ZFAT: variants seen among roughly 807,000 people sequenced by gnomAD.
ZFAT encodes zinc finger and AT-hook domain containing, also known as zinc finger protein ZFAT.
Under a neutral mutation model 117.7 loss-of-function variants are expected in ZFAT, and 64 were observed. The observed-to-expected ratio is 0.54, with a 90% confidence interval of 0.44 to 0.67. The LOEUF (loss-of-function observed/expected upper bound fraction) is 0.67. ZFAT is among the 30% of genes least tolerant of loss of function. The probability of loss-of-function intolerance (pLI) is 0.00; values close to 1 mark genes in which losing one functional copy is unlikely to be tolerated. For synonymous variants in ZFAT, 679 were observed against 615.0 expected (o/e 1.10, Z -1.54); for missense variants, 1,433 against 1,584.5 (o/e 0.90, Z 1.62).
chr8:134,724,224 G>A, the ZFAT span, among the ~76,000 whole-genome samples: 1 of 152,192 alleles, frequency 6.6e-6, no homozygotes, highest in East Asian at 1.9e-4. Flanking sequence ...GATGGCAGCT[G>A]CCCTGTAAAT....
At chr8:134,820,326 A>AT in the ZFAT span, among the ~76,000 whole-genome samples, 4 of 152,178 alleles carry the variant, frequency 2.6e-5, no homozygotes, top group Non-Finnish European at 4.4e-5. Flanking sequence ...CTTATGTAAT[A>AT]TTACTCTCCT....
At chr8:134,680,112 AT>A (rs954270946) in intron 1 of ZFAT, among the ~76,000 whole-genome samples, 3 of 151,930 alleles carry the variant, frequency 2.0e-5, no homozygotes, top group African/African-American at 4.8e-5. Flanking sequence ...AACAGAAAAA[AT>A]TAGCCAGGCA....
At chr8:134,626,708 C>T (rs900923639) in intron 3 of ZFAT, among the ~76,000 whole-genome samples, 7 of 152,260 alleles carry the variant, frequency 4.6e-5, no homozygotes, top group African/African-American at 1.7e-4. Flanking sequence ...CTGCAGTTTG[C>T]TCATCCAGGC....
intron 2 of ZFAT, among the ~76,000 whole-genome samples, chr8:134,653,894 A>G (rs76630190): frequency 0.011 from 1,714 of 152,340 alleles, 32 homozygotes; most frequent in African/African-American, 0.039. Flanking sequence ...TTACATATGC[A>G]GACAAAAAGT....
chr8:134,813,651 T>C, the ZFAT span, among the ~76,000 whole-genome samples: 3 of 152,022 alleles, frequency 2.0e-5, no homozygotes, highest in African/African-American at 7.2e-5. Flanking sequence ...CTGACCTCAG[T>C]TGATCCACCT....
In ZFAT at chr8:134,659,958, A is replaced by G. The variant is rs1045192108; in HGVS notation, c.20-2221T>C. Among the ~76,000 whole-genome samples the G allele has an allele frequency of 2.0e-5, 3 of 152,256 alleles. No homozygotes were observed. The South Asian group carries it at 6.2e-4, about 31-fold the overall frequency. The stretch of plus-strand genomic sequence containing the variant: ...ACATGAAATCAAAATTTAACAAAGC[A>G]GAACATTGCTTCGCCAATGAAAATC... On this transcript the variant is annotated intron_variant, in intron 1 of 15. Coordinates refer to ENST00000377838, the MANE Select transcript of ZFAT (RefSeq NM_020863.4).
chr8:134,831,725 T>C, the ZFAT span, among the ~76,000 whole-genome samples: 12,627 of 149,494 alleles, frequency 0.084, 645 homozygotes, highest in Non-Finnish European at 0.11. Context: ...GCCCGCCCCA[T>C]ACCCTGTCGC....
At chr8:134,702,265 A>C (rs897076021) in intron 1 of ZFAT, among the ~76,000 whole-genome samples, 2 of 152,238 alleles carry the variant, frequency 1.3e-5, no homozygotes, top group Admixed American at 6.5e-5. Flanking sequence ...AGACAGGGCT[A>C]TTACAAATAA....
chr8:134,669,218 T>C (rs7008323), intron 1 of ZFAT, among the ~76,000 whole-genome samples: 3 of 152,066 alleles, frequency 2.0e-5, no homozygotes, highest in Admixed American at 6.5e-5. Flanking sequence ...CCTAACAAGG[T>C]AGGCCAACAT....
intron 3 of ZFAT, among the ~76,000 whole-genome samples, chr8:134,612,491 C>T (rs1301442024): frequency 6.6e-6 from 1 of 152,124 alleles, no homozygotes; most frequent in Non-Finnish European, 1.5e-5. Context: ...CAGGCTGGTT[C>T]GAGGAAAGCT....
chr8:134,534,779 G>A (rs1485717619), intron 11 of ZFAT, among the ~76,000 whole-genome samples: 2 of 149,888 alleles, frequency 1.3e-5, no homozygotes, highest in Non-Finnish European at 3.0e-5. Context: ...GGGAGAAAGA[G>A]AGAGAGAGAG....
chr8:134,572,018 C>A (rs531286790), intron 10 of ZFAT, among the ~76,000 whole-genome samples: 1 of 152,266 alleles, frequency 6.6e-6, no homozygotes, highest in East Asian at 1.9e-4. Context: ...AAGAAAGAAG[C>A]CCCTGCCACA....
chr8:134,712,987 A>C lies in ZFAT; in HGVS notation c.-124T>G. 1.7e-6 allele frequency: 2 copies of C among 1,196,288 alleles called. No homozygotes were observed. The highest frequency in any genetic ancestry group is 6.3e-5 in the East Asian group (2 of 31,536). 74.1% of individuals were successfully genotyped at this position (1,196,288 alleles called of 1,614,324 possible). ...TTTATTTTTATTTTTTTAAGAAAAG[A>C]GCCGGCGAGGTTATGGCGAATCTGC... On this transcript the variant is annotated 5_prime_UTR_variant, in exon 1 of 16. Coordinates refer to ENST00000377838, the MANE Select transcript of ZFAT (RefSeq NM_020863.4).
At chr8:134,569,124 G>C (rs117575527) in intron 10 of ZFAT, among the ~76,000 whole-genome samples, 2,194 of 152,192 alleles carry the variant, frequency 0.014, 27 homozygotes, top group Admixed American at 0.021. Flanking sequence ...GGACTACTAG[G>C]CATCATGAGT....
chr8:134,796,975 T>G, the ZFAT span: 3 of 152,166 alleles, frequency 2.0e-5, no homozygotes, highest in Non-Finnish European at 2.9e-5. Flanking sequence ...CAAATACTGA[T>G]TTGAAGAATT....
At chr8:134,529,703 C>A (rs984326210) in intron 12 of ZFAT, among the ~76,000 whole-genome samples, 1 of 152,170 alleles carries the variant, frequency 6.6e-6, no homozygotes, top group Non-Finnish European at 1.5e-5. Flanking sequence ...AGCTCATAAG[C>A]CAAATGTGCA....
At position 134,478,854 on chromosome 8, in the gene ZFAT, AC is replaced by A; in HGVS notation, c.3493-134del. The A allele has an allele frequency of 1.5e-6, 2 of 1,348,566 alleles. No homozygotes were observed. The highest frequency in any genetic ancestry group is 2.0e-6 in the Non-Finnish European group (2 of 1,002,754). The allele number at this position is 1,348,566 out of a possible 1,614,324, so 83.5% of individuals were successfully genotyped here. A position where few individuals can be genotyped will look rare whatever the true frequency, so the allele number is the denominator to read the frequency against. ...CGTCCATTCTCCACGGATCCTCTCT[AC>A]CAGGCTGTGCTTGCTCTCATGCCCA... On this transcript the variant is annotated intron_variant, in intron 15 of 15. Coordinates refer to ENST00000377838, the MANE Select transcript of ZFAT (RefSeq NM_020863.4). This position sits in a 1 kb window ranked among gnomAD's most constrained non-coding sequence, Gnocchi z 5.2.
the ZFAT span, among the ~76,000 whole-genome samples, chr8:134,806,158 T>C: frequency 6.6e-6 from 1 of 152,098 alleles, no homozygotes; most frequent in African/African-American, 2.4e-5. Context: ...GAATAACTAC[T>C]GAAGAAAACC....
chr8:134,740,330 G>A, the ZFAT span, among the ~76,000 whole-genome samples: 1 of 152,188 alleles, frequency 6.6e-6, no homozygotes, highest in Non-Finnish European at 1.5e-5. Context: ...TAAGGAGCCA[G>A]AATTAGCATT....
Sources: allele counts gnomAD v4.1 joint callset (sites outside exome capture counted in the v4.1 genomes callset), GRCh38; gene constraint gnomAD v4.1.1; non-coding constraint Gnocchi (gnomAD v3.1); transcripts MANE v1.5; gene names NCBI Gene and HGNC (gene_info 2026-07-23, HGNC 2026-07-21).